The following ONECUT2 variants were observed in gnomAD, a reference collection of about 807,000 sequenced individuals.
ONECUT2 encodes the protein one cut homeobox 2, also known as one cut domain family member 2.
A neutral mutation model predicts 27.9 loss-of-function variants in ONECUT2; 10 were observed. The observed-to-expected ratio is 0.36, with a 90% CI of 0.22 to 0.61. ONECUT2 has a LOEUF of 0.61. ONECUT2 is among the 20% of genes least tolerant of loss of function. ONECUT2 has a pLI of 0.73. For missense variants in ONECUT2, 686 were observed against 721.0 expected, an observed-to-expected ratio of 0.95 and a Z score of 0.56; for synonymous variants, 334 against 315.1, an observed-to-expected ratio of 1.06 and a Z score of -0.64.
rs762438300 is a variant in ONECUT2 at position 57,484,440 on chromosome 18, C to T, written c.*7717C>T. ...CCCAAAGAAATAATTATCTATGCGA[C>T]GGCGGCTGCTAATTTGGAAAGGGAT... On this transcript the variant is annotated 3_prime_UTR_variant, in exon 2 of 2. Coordinates refer to ENST00000491143, the MANE Select transcript of ONECUT2 (RefSeq NM_004852.3). 2.3e-4 allele frequency: 35 copies of T among 152,586 alleles called. No individual in the cohort carries two copies. The highest frequency in any genetic ancestry group is 7.0e-4 in the African/African-American group (29 of 41,420). 9.5% of individuals were successfully genotyped at this position (152,586 alleles called of 1,614,324 possible).
chr18:57,457,265 A>G (rs779174116), intron 1 of ONECUT2, among the ~76,000 whole-genome samples: 16 of 152,220 alleles, frequency 1.1e-4, no homozygotes, highest in Non-Finnish European at 1.8e-4. Context: ...TAAACTTTCA[A>G]CTGGAAGAAC....
chr18:57,471,602 A>C (rs3786466), intron 1 of ONECUT2, among the ~76,000 whole-genome samples: 7,459 of 152,186 alleles, frequency 0.049, 673 homozygotes, highest in East Asian at 0.36. Context: ...AGTGTTTTGA[A>C]AAATTTATCT....
rs192203870 is a variant in ONECUT2 at position 57,456,968 on chromosome 18, T to C, written c.1229-19469T>C. Reference sequence around the variant, plus strand: ...TAAGTTCACCATCAATACGGTGACTTCCTGGGAGTGGGGTATCACCAGGTT... The same window carrying C: ...TAAGTTCACCATCAATACGGTGACTCCCTGGGAGTGGGGTATCACCAGGTT... On this transcript the variant is annotated intron_variant, in intron 1 of 1. Transcript: ENST00000491143. 2.4e-4 allele frequency among the ~76,000 whole-genome samples: 36 copies of C among 152,242 alleles called. No homozygotes were observed. The East Asian group carries it at 6.8e-3, about 29-fold the overall frequency.
intron 1 of ONECUT2, among the ~76,000 whole-genome samples, chr18:57,452,361 A>T (rs1322301458): frequency 6.6e-6 from 1 of 152,210 alleles, no homozygotes; most frequent in Non-Finnish European, 1.5e-5. Context: ...TAGTGTCCCA[A>T]TGGGAGATCC....
chr18:57,487,080 A>G lies in ONECUT2; in HGVS notation c.*10357A>G, dbSNP rs141459267. Reference sequence around the variant, plus strand: ...TGTGGAACAGTTGTGTATACATTAAACTGTGAAAATGTACACAGTTCAGCC... The same window carrying G: ...TGTGGAACAGTTGTGTATACATTAAGCTGTGAAAATGTACACAGTTCAGCC... On this transcript the variant is annotated 3_prime_UTR_variant, in exon 2 of 2. Transcript: ENST00000491143. The G allele has an allele frequency of 3.3e-4, 50 of 152,726 alleles. No individual in the cohort carries two copies. The highest frequency in any genetic ancestry group is 1.1e-3 in the African/African-American group (45 of 41,564). The allele number at this position is 152,726 out of a possible 1,614,324, so 9.5% of individuals were successfully genotyped here.
At position 57,479,661 on chromosome 18, in the gene ONECUT2, T is replaced by G. The variant is rs2050405257; in HGVS notation, c.*2938T>G. 6.6e-6 allele frequency: 1 copy of G among 152,610 alleles called. No homozygotes were observed. Among genetic ancestry groups the G allele is most frequent in the South Asian group, 2.1e-4 (1 of 4,830 alleles). The allele number at this position is 152,610 out of a possible 1,614,324, so 9.5% of individuals were successfully genotyped here. On this transcript the variant is annotated 3_prime_UTR_variant, in exon 2 of 2. Coordinates refer to ENST00000491143, the MANE Select transcript of ONECUT2 (RefSeq NM_004852.3). ...GTCATCTCTATTCTATCCCTCAGCC[T>G]CGATTAAGGTGGTGAGTGAAGTGCA... is the stretch of plus-strand genomic sequence containing the variant.
chr18:57,439,116 C>A (rs2050160133), intron 1 of ONECUT2, among the ~76,000 whole-genome samples: 1 of 152,230 alleles, frequency 6.6e-6, no homozygotes, highest in Non-Finnish European at 1.5e-5. Flanking sequence ...GTGCCTTCTG[C>A]CCATATAGGT....
In ONECUT2 at chr18:57,479,627, G is replaced by A. The variant is rs889285686; in HGVS notation, c.*2904G>A. On this transcript the variant is annotated 3_prime_UTR_variant, in exon 2 of 2. Transcript: ENST00000491143. ...TCCATGGTGTACATGAGTTTTATTT[G>A]TATTCGGAGTCATCTCTATTCTATC... The A allele has an allele frequency of 1.3e-5, 2 of 152,622 alleles. No homozygotes were observed. The highest frequency in any genetic ancestry group is 6.5e-5 in the Admixed American group (1 of 15,276). 9.5% of individuals were successfully genotyped at this position (152,622 alleles called of 1,614,324 possible).
At position 57,435,783 on chromosome 18, in the gene ONECUT2, G is replaced by A; in HGVS notation, c.67G>A (p.Glu23Lys). 7.9e-7 allele frequency: 1 copy of A among 1,260,310 alleles called. No homozygotes were observed. The highest frequency in any genetic ancestry group is 1.0e-6 in the Non-Finnish European group (1 of 968,026). 78.1% of individuals were successfully genotyped at this position (1,260,310 alleles called of 1,614,324 possible). Residue 23 changes from glutamate to lysine, a missense_variant, in exon 1 of 2, where the codon GAG becomes AAG. By Grantham distance (56) the Glu-to-Lys change is moderately conservative. Coordinates refer to ENST00000491143, the MANE Select transcript of ONECUT2 (RefSeq NM_004852.3). ...KDLEGCAMNP[E>K]LTMESLGTLH... Reference sequence around the variant, plus strand: ...CCTAGAAGGCTGCGCCATGAACCCGGAGCTGACAATGGAAAGTCTGGGCAC... The same window carrying A: ...CCTAGAAGGCTGCGCCATGAACCCGAAGCTGACAATGGAAAGTCTGGGCAC...
In ONECUT2 at chr18:57,436,268, C is replaced by A. The variant is rs186386413; in HGVS notation, c.552C>A (p.His184Gln). The A allele has an allele frequency of 2.7e-5, 43 of 1,603,100 alleles. No homozygotes were observed. The East Asian group carries it at 9.0e-4, about 33-fold the overall frequency. The change falls in exon 1 of 2, where the codon CAC becomes CAA. Residue 184 changes from histidine (H) to glutamine (Q), a missense_variant. Coordinates refer to ENST00000491143, the MANE Select transcript of ONECUT2 (RefSeq NM_004852.3). The surrounding 1 kb of genome is among the most constrained non-coding windows in gnomAD (Gnocchi z 5.9). ...CGCACCACCACCACCACCACCACCA[C>A]CAGCGCCTGTCCGGCAACGTCAGCG... ...HHPHHHHHHH[H>Q]QRLSGNVSGS...
At chr18:57,449,602 T>C (rs544344202) in intron 1 of ONECUT2, among the ~76,000 whole-genome samples, 18 of 152,362 alleles carry the variant, frequency 1.2e-4, no homozygotes, top group African/African-American at 4.3e-4. Flanking sequence ...TGATCATCAC[T>C]AGACTCTAGA....
intron 1 of ONECUT2, among the ~76,000 whole-genome samples, chr18:57,437,751 C>T (rs2050151118): frequency 6.6e-6 from 1 of 152,266 alleles, no homozygotes; most frequent in African/African-American, 2.4e-5. Flanking sequence ...GCTCACCGGC[C>T]GTCCTTGCCC....
chr18:57,473,000 T>C (rs932114183), intron 1 of ONECUT2, among the ~76,000 whole-genome samples: 1 of 152,234 alleles, frequency 6.6e-6, no homozygotes, highest in African/African-American at 2.4e-5. Context: ...TTGACACCAG[T>C]TGTCCCAGGG....
intron 1 of ONECUT2, among the ~76,000 whole-genome samples, chr18:57,465,205 C>A (rs960304610): frequency 2.6e-5 from 4 of 152,158 alleles, no homozygotes; most frequent in Non-Finnish European, 4.4e-5. Flanking sequence ...TTCTGTCACC[C>A]AGGCTGGAGT....
chr18:57,439,612 G>A (rs1039084872), intron 1 of ONECUT2, among the ~76,000 whole-genome samples: 1 of 152,212 alleles, frequency 6.6e-6, no homozygotes, highest in African/African-American at 2.4e-5. Context: ...AGCGCTAGGG[G>A]ACAGGAGCAA....
Position 57,481,189 on chromosome 18 carries a change from T to G in ONECUT2, c.*4466T>G, listed in dbSNP as rs2050414287. On this transcript the variant is annotated 3_prime_UTR_variant, in exon 2 of 2. Coordinates refer to ENST00000491143, the MANE Select transcript of ONECUT2 (RefSeq NM_004852.3). ...TTTTTAAAGGAAACAGCAACAACAA[T>G]AAAAACTCAGCACCAATATTTAAAA... The G allele has an allele frequency of 6.6e-6, 1 of 151,758 alleles. No homozygotes were observed. The highest frequency in any genetic ancestry group is 1.5e-5 in the Non-Finnish European group (1 of 67,942). 9.4% of individuals were successfully genotyped at this position (151,758 alleles called of 1,614,324 possible). A position where few individuals can be genotyped will look rare whatever the true frequency, so the allele number is the denominator to read the frequency against.
In ONECUT2 at chr18:57,436,442, G is replaced by T. The variant is rs776516343; in HGVS notation, c.726G>T (p.Ala242=). 1 of 1,612,674 alleles carries T rather than the reference G, an allele frequency of 6.2e-7. No homozygotes were observed. The highest frequency in any genetic ancestry group is 1.3e-5 in the African/African-American group (1 of 75,070). The change falls in exon 1 of 2, where the codon GCG becomes GCT. Residue 242 remains alanine (A), a synonymous_variant. Transcript: ENST00000491143. The surrounding 1 kb of genome is among the most constrained non-coding windows in gnomAD (Gnocchi z 5.9). ...LGNGLGGLHN[A]QQSLPNYGPP... ...ACGGGCTAGGCGGCCTCCACAACGC[G>T]CAGCAGAGTCTGCCCAACTACGGTC...
rs2050432834 is a variant in ONECUT2 at position 57,485,304 on chromosome 18, T to A, written c.*8581T>A. The A allele has an allele frequency of 6.6e-6, 1 of 152,236 alleles. No homozygotes were observed. The highest frequency in any genetic ancestry group is 2.1e-4 in the South Asian group (1 of 4,830). 9.4% of individuals were successfully genotyped at this position (152,236 alleles called of 1,614,324 possible). A position where few individuals can be genotyped will look rare whatever the true frequency, so the allele number is the denominator to read the frequency against. On this transcript the variant is annotated 3_prime_UTR_variant, in exon 2 of 2. Coordinates refer to ENST00000491143, the MANE Select transcript of ONECUT2 (RefSeq NM_004852.3). ...GTTTACATTTCATTTCTAAGCCAAC[T>A]CTGTATTTATGAGAGAAGTTTAAGC...
Position 57,476,831 on chromosome 18 carries a change from T to A in ONECUT2, c.*108T>A. 8.1e-7 allele frequency: 1 copy of A among 1,229,286 alleles called. No individual in the cohort carries two copies. The highest frequency in any genetic ancestry group is 1.5e-5 in the African/African-American group (1 of 65,638). 76.1% of individuals were successfully genotyped at this position (1,229,286 alleles called of 1,614,324 possible). On this transcript the variant is annotated 3_prime_UTR_variant, in exon 2 of 2. Transcript: ENST00000491143. The stretch of plus-strand genomic sequence containing the variant: ...ATTCCTAGCTGGGGCCCTTCACTGG[T>A]GATTTGAAAGCACAATTCTCTTGCA...
Sources: allele counts gnomAD v4.1 joint callset (sites outside exome capture counted in the v4.1 genomes callset), GRCh38; gene constraint gnomAD v4.1.1; non-coding constraint Gnocchi (gnomAD v3.1); transcripts MANE v1.5; gene names NCBI Gene and HGNC (gene_info 2026-07-23, HGNC 2026-07-21).